MEGF10: variants seen among roughly 807,000 people sequenced by gnomAD.
The protein encoded by MEGF10 is multiple epidermal growth factor-like domains protein 10.
A neutral mutation model predicts 147.5 loss-of-function variants in MEGF10; 86 were observed. The observed-to-expected ratio is 0.58, with a 90% CI of 0.49 to 0.70. The LOEUF is 0.70. MEGF10 is among the 30% of genes least tolerant of loss of function. The probability of loss-of-function intolerance (pLI) is 0.00; values close to 1 mark genes in which losing one functional copy is unlikely to be tolerated. For synonymous variants in MEGF10, 478 were observed against 525.5 expected (o/e 0.91, Z 1.24); for missense variants, 1,329 against 1,487.3 (o/e 0.89, Z 1.75).
intron 13 of MEGF10, chr5:127,424,434 G>C: frequency 9.4e-7 from 1 of 1,061,076 alleles, no homozygotes; most frequent in South Asian, 1.4e-5. Flanking sequence ...ATTTAATGGA[G>C]ATTGAATCTA....
intron 2 of MEGF10, among the ~76,000 whole-genome samples, chr5:127,331,847 A>G (rs1761274015): frequency 6.6e-6 from 1 of 152,136 alleles, no homozygotes; most frequent in Admixed American, 6.6e-5. Flanking sequence ...TTTGCTGTAG[A>G]TGGCTTGAAA....
intron 1 of MEGF10, among the ~76,000 whole-genome samples, chr5:127,295,144 C>A (rs187398442): frequency 6.6e-6 from 1 of 152,138 alleles, no homozygotes; most frequent in East Asian, 1.9e-4. Context: ...TCCTTCTTTC[C>A]TGAAAGGACA....
At chr5:127,453,996 G>T (rs76530776) in intron 22 of MEGF10, among the ~76,000 whole-genome samples, 5 of 152,036 alleles carry the variant, frequency 3.3e-5, no homozygotes, top group Non-Finnish European at 7.4e-5. Flanking sequence ...AGGTTTTTTT[G>T]TGTGTATCTA....
chr5:127,255,971 C>T, the MEGF10 span, among the ~76,000 whole-genome samples: 1 of 152,094 alleles, frequency 6.6e-6, no homozygotes, highest in African/African-American at 2.4e-5. Context: ...GGAGGAAATG[C>T]TACTGCCACT....
chr5:127,252,771 G>A, the MEGF10 span, among the ~76,000 whole-genome samples: 10 of 151,868 alleles, frequency 6.6e-5, no homozygotes, highest in African/African-American at 1.4e-4. Flanking sequence ...GTATAATAAA[G>A]GACAATGAAA....
the MEGF10 span, among the ~76,000 whole-genome samples, chr5:127,261,154 A>C: frequency 1.3e-5 from 2 of 152,204 alleles, no homozygotes; most frequent in African/African-American, 4.8e-5. Flanking sequence ...CCTTTAGTGT[A>C]TTCACAGAGT....
At chr5:127,329,906 G>C (rs1255095466) in intron 1 of MEGF10, among the ~76,000 whole-genome samples, 5 of 152,160 alleles carry the variant, frequency 3.3e-5, no homozygotes. Context: ...CATTACAGGT[G>C]TTACACACCC....
At chr5:127,244,845 AAAC>A in the MEGF10 span, among the ~76,000 whole-genome samples, 2 of 152,180 alleles carry the variant, frequency 1.3e-5, no homozygotes, top group Non-Finnish European at 2.9e-5. Context: ...AAAAAACAAA[AAAC>A]AAAAAAACAA....
chr5:127,302,305 A>G (rs546015594), intron 1 of MEGF10, among the ~76,000 whole-genome samples: 2 of 149,718 alleles, frequency 1.3e-5, no homozygotes, highest in African/African-American at 5.1e-5. Context: ...GAAATGAAGT[A>G]TGTATGATAC....
chr5:127,454,542 GT>G (rs755042358), intron 22 of MEGF10, 23 bp from the exon 23 acceptor site: 72 of 1,596,512 alleles, frequency 4.5e-5, no homozygotes, highest in Non-Finnish European at 6.0e-5. Flanking sequence ...CTCACTGGGT[GT>G]TTTTTTTCTT....
chr5:127,444,660 A>G (rs1204345062), intron 19 of MEGF10: 1 of 152,230 alleles, frequency 6.6e-6, no homozygotes, highest in East Asian at 1.9e-4. Context: ...GACGGACCAT[A>G]AGGAAGAACT....
chr5:127,245,767 AAAC>A, the MEGF10 span, among the ~76,000 whole-genome samples: 2 of 152,130 alleles, frequency 1.3e-5, no homozygotes, highest in Non-Finnish European at 2.9e-5. Flanking sequence ...TACAGGAAAA[AAAC>A]AACCCCATCA....
At chr5:127,379,014 ACTGGG>A (rs1763144035) in intron 5 of MEGF10, among the ~76,000 whole-genome samples, 1 of 150,348 alleles carries the variant, frequency 6.7e-6, no homozygotes, top group African/African-American at 2.5e-5. Flanking sequence ...TAAAGATAAG[ACTGGG>A]CTGTCATGTT....
At chr5:127,300,304 G>T (rs1759710915) in intron 1 of MEGF10, among the ~76,000 whole-genome samples, 1 of 152,184 alleles carries the variant, frequency 6.6e-6, no homozygotes, top group Non-Finnish European at 1.5e-5. Context: ...AATGCTTCCA[G>T]GCCCGAATAC....
intron 5 of MEGF10, among the ~76,000 whole-genome samples, chr5:127,383,292 A>G: frequency 6.6e-6 from 1 of 152,060 alleles, no homozygotes; most frequent in East Asian, 1.9e-4. Context: ...GTTACTATAA[A>G]CTTGTATATA....
At chr5:127,348,578 C>T (rs185141664) in intron 4 of MEGF10, among the ~76,000 whole-genome samples, 647 of 152,026 alleles carry the variant, frequency 4.3e-3, no homozygotes, top group Non-Finnish European at 6.2e-3. Context: ...TGTGCACACA[C>T]GTATATGCAA....
the MEGF10 span, among the ~76,000 whole-genome samples, chr5:127,285,675 A>G: frequency 0.017 from 2,577 of 152,228 alleles, 62 homozygotes; most frequent in East Asian, 0.091. Context: ...TGAACCATTC[A>G]CCAAGAAAGA....
At chr5:127,280,721 T>C in the MEGF10 span, among the ~76,000 whole-genome samples, 1 of 152,156 alleles carries the variant, frequency 6.6e-6, no homozygotes, top group African/African-American at 2.4e-5. Context: ...CAGTGTTCTG[T>C]AGCCACTGGA....
At chr5:127,354,677 C>T (rs1227515620) in intron 4 of MEGF10, among the ~76,000 whole-genome samples, 1 of 152,206 alleles carries the variant, frequency 6.6e-6, no homozygotes, top group East Asian at 1.9e-4. Context: ...GAATCACACA[C>T]CTGGCTAAAG....
Sources: gnomAD v4.1 joint callset for allele counts (sites outside exome capture counted in the v4.1 genomes callset) on GRCh38, gnomAD v4.1.1 for gene constraint, MANE v1.5 for transcripts, NCBI Gene and HGNC (gene_info 2026-07-23, HGNC 2026-07-21) for gene names.